HIPK1: variants seen among roughly 807,000 people sequenced by gnomAD.
HIPK1 encodes homeodomain-interacting protein kinase 1.
Under a neutral mutation model 117.1 loss-of-function variants are expected in HIPK1, and 28 were observed. The observed-to-expected ratio is 0.24, with a 90% CI of 0.18 to 0.33. The LOEUF is 0.33. HIPK1 is among the 10% of genes least tolerant of loss of function. The pLI, the probability that HIPK1 is intolerant of heterozygous loss-of-function variation, is 1.00. For missense variants in HIPK1, 1,122 were observed against 1,475.1 expected (o/e 0.76, Z 3.92); for synonymous variants, 605 against 562.5 (o/e 1.08, Z -1.07).
chr1:113,931,667 T>G (rs1257026690), intron 1 of HIPK1, among the ~76,000 whole-genome samples: 2 of 152,182 alleles, frequency 1.3e-5, no homozygotes, highest in African/African-American at 4.8e-5. Flanking sequence ...AATCTCAAAG[T>G]TCACAATTCT....
chr1:113,967,275 T>G (rs1009107183), intron 11 of HIPK1, among the ~76,000 whole-genome samples: 3 of 152,190 alleles, frequency 2.0e-5, no homozygotes, highest in Non-Finnish European at 4.4e-5. Context: ...GGTAGCTCAA[T>G]TTTTAGTTTT....
In HIPK1 at chr1:113,956,645, C is replaced by T; in HGVS notation, c.1426C>T (p.Leu476=). 1 of 1,613,408 alleles carries T rather than the reference C, an allele frequency of 6.2e-7. No individual in the cohort carries two copies. The highest frequency in any genetic ancestry group is 8.5e-7 in the Non-Finnish European group (1 of 1,179,690). Residue 476 remains leucine (L), a synonymous_variant, in exon 6 of 16, where the codon CTG becomes TTG. Transcript: ENST00000426820. ...TTGGAAGGTGAATATGTCTACAGAC[C>T]TGGAGGGAACAGACATGTTGGCAGA... The part of the protein sequence containing the change: ...DMAQVNMSTD[L]EGTDMLAEKA...
At chr1:113,962,568 G>C (rs772274434) in intron 9 of HIPK1, 130 bp downstream of exon 9, 2 of 840,734 alleles carry the variant, frequency 2.4e-6, no homozygotes, top group Non-Finnish European at 3.5e-6. Context: ...GACTTAAAAT[G>C]AAACATCTCT....
At chr1:113,960,310 C>G (rs2101389508) in intron 8 of HIPK1, among the ~76,000 whole-genome samples, 1 of 152,242 alleles carries the variant, frequency 6.6e-6, no homozygotes, top group African/African-American at 2.4e-5. Context: ...CGGGGAGAAC[C>G]TTCCAACAGT....
intron 10 of HIPK1, among the ~76,000 whole-genome samples, chr1:113,964,803 A>G (rs975952787): frequency 1.3e-5 from 2 of 152,336 alleles, no homozygotes; most frequent in Admixed American, 1.3e-4. Context: ...TTGGAATGTT[A>G]GTTGACACTT....
At chr1:113,951,252 C>A in intron 2 of HIPK1, 1 of 984,760 alleles carries the variant, frequency 1.0e-6, no homozygotes, top group Non-Finnish European at 1.2e-6. Flanking sequence ...TGACAATTGC[C>A]CTTGTATTCC....
At chr1:113,956,293 G>A (rs186596166) in intron 5 of HIPK1, among the ~76,000 whole-genome samples, 1 of 151,782 alleles carries the variant, frequency 6.6e-6, no homozygotes, top group East Asian at 1.9e-4. Flanking sequence ...GGCCAGGCTG[G>A]GTCTCAAACT....
Position 113,940,848 on chromosome 1 carries a change from T to G in HIPK1, c.465T>G (p.Ala155=), listed in dbSNP as rs748655889. Residue 155 remains alanine (A), a synonymous_variant, in exon 2 of 16, where the codon GCT becomes GCG. Coordinates refer to ENST00000426820, the MANE Select transcript of HIPK1 (RefSeq NM_198268.3). ...TGCAAAACAGGACTGTGGTGGGTGC[T>G]GCTGCCACAACCACCACTGTGACCA... is the stretch of plus-strand genomic sequence containing the variant. The part of the protein sequence containing the change: ...LMLQNRTVVG[A]AATTTTVTTK... 2.5e-6 allele frequency: 4 copies of G among 1,614,004 alleles called. No homozygotes were observed. The highest frequency in any genetic ancestry group is 3.4e-6 in the Non-Finnish European group (4 of 1,180,044).
chr1:113,936,190 T>C (rs562495727), intron 1 of HIPK1, among the ~76,000 whole-genome samples: 143 of 152,348 alleles, frequency 9.4e-4, no homozygotes, highest in Middle Eastern at 3.4e-3. Context: ...GGTCTGATAC[T>C]GACTTTTTGT....
chr1:113,961,942 C>CA (rs957986733), intron 8 of HIPK1, among the ~76,000 whole-genome samples: 1,975 of 32,052 alleles, frequency 0.062, 207 homozygotes, highest in African/African-American at 0.1. Flanking sequence ...GACTCCATCT[C>CA]AAAAAAAAAA....
chr1:113,969,776 A>G (rs1672696883), intron 13 of HIPK1, among the ~76,000 whole-genome samples, 180 bp from the exon 14 acceptor site: 1 of 152,038 alleles, frequency 6.6e-6, no homozygotes, highest in Non-Finnish European at 1.5e-5. Flanking sequence ...GCATGGTGGT[A>G]CACACCTGTA....
chr1:113,960,832 T>C (rs1672055227), intron 8 of HIPK1, among the ~76,000 whole-genome samples: 1 of 152,222 alleles, frequency 6.6e-6, no homozygotes, highest in Non-Finnish European at 1.5e-5. Flanking sequence ...GTATTTTTCT[T>C]CATGACAACT....
In HIPK1 at chr1:113,958,077, A is replaced by T. The variant is rs1411144736; in HGVS notation, c.1767A>T (p.Leu589=). The change falls in exon 8 of 16, where the codon CTA becomes CTT. Residue 589 remains leucine (L), a synonymous_variant. Transcript: ENST00000426820. The part of the protein sequence containing the change: ...LNTVHNQASV[L]ASSSTAAAAT... ...CCTTTTGTTTTTAGGCCAGTGTTCT[A>T]GCTTCCAGTTCTACTGCAGCAGCTG... 6.2e-7 allele frequency: 1 copy of T among 1,613,548 alleles called. No homozygotes were observed. Among genetic ancestry groups the T allele is most frequent in the Admixed American group, 1.7e-5 (1 of 60,026 alleles).
At chr1:113,952,136 A>G (rs1671409017) in intron 2 of HIPK1, among the ~76,000 whole-genome samples, 1 of 151,598 alleles carries the variant, frequency 6.6e-6, no homozygotes. Context: ...TTGGGGTTTC[A>G]CCATATTGGC....
At chr1:113,937,063 A>G (rs562848829) in intron 1 of HIPK1, among the ~76,000 whole-genome samples, 6 of 152,278 alleles carry the variant, frequency 3.9e-5, no homozygotes, top group African/African-American at 7.2e-5. Flanking sequence ...CTTTTATTAT[A>G]TTTGGTATTT....
chr1:113,940,601 G>T lies in HIPK1; in HGVS notation c.218G>T (p.Gly73Val), dbSNP rs1451722583. Residue 73 changes from glycine to valine, a missense_variant, in exon 2 of 16, where the codon GGC becomes GTC. By Grantham distance (109) the Gly-to-Val change is moderately radical. Coordinates refer to ENST00000426820, the MANE Select transcript of HIPK1 (RefSeq NM_198268.3). ...ANFNIPAYDQ[G>V]LLLPAPAVEH... ...TTCAACATCCCTGCTTACGACCAGG[G>T]CCTCCTCCTCCCAGCTCCTGCAGTG... The T allele has an allele frequency of 1.2e-6, 2 of 1,614,010 alleles. No homozygotes were observed. The highest frequency in any genetic ancestry group is 2.2e-5 in the East Asian group (1 of 44,904).
In HIPK1 at chr1:113,940,738, C is replaced by A. The variant is rs752562237; in HGVS notation, c.355C>A (p.Gln119Lys). Residue 119 changes from glutamine to lysine, a missense_variant, in exon 2 of 16, where the codon CAA becomes AAA. Transcript: ENST00000426820. ...RSNVSLLEPY[Q>K]KCGLKRKSEE... ...CAACGTTTCTTTGCTTGAGCCATAT[C>A]AAAAATGTGGATTGAAACGAAAAAG... 30 of 1,613,978 alleles carry A rather than the reference C, an allele frequency of 1.9e-5. No homozygotes were observed. The highest frequency in any genetic ancestry group is 6.7e-5 in the Admixed American group (4 of 59,992).
Position 113,973,467 on chromosome 1 carries a change from A to G in HIPK1, c.3588A>G (p.Gly1196=). 1.2e-6 allele frequency: 2 copies of G among 1,611,504 alleles called. No individual in the cohort carries two copies. Among genetic ancestry groups the G allele is most frequent in the Non-Finnish European group, 1.7e-6 (2 of 1,178,392 alleles). The part of the protein sequence containing the change: ...GSSRGSTIYT[G]YPLSPTKISQ... Reference sequence around the variant, plus strand: ...CCCGAGGCTCAACAATTTACACTGGATACCCGCTGAGTCCTACCAAGATCA... The same window carrying G: ...CCCGAGGCTCAACAATTTACACTGGGTACCCGCTGAGTCCTACCAAGATCA... The change falls in exon 16 of 16, where the codon GGA becomes GGG. Residue 1196 remains glycine, a synonymous_variant. Transcript: ENST00000426820.
At chr1:113,936,470 C>G (rs58425054) in intron 1 of HIPK1, among the ~76,000 whole-genome samples, 1 of 151,888 alleles carries the variant, frequency 6.6e-6, no homozygotes, top group East Asian at 1.9e-4. Context: ...AGTTACGAAT[C>G]CTTTTTTTTT....
Sources: allele counts gnomAD v4.1 joint callset (sites outside exome capture counted in the v4.1 genomes callset), GRCh38; gene constraint gnomAD v4.1.1; transcripts MANE v1.5; gene names NCBI Gene and HGNC (gene_info 2026-07-23, HGNC 2026-07-21).